Variants in OTUD7A observed in about 807,000 individuals in gnomAD.
OTUD7A encodes the protein OTU deubiquitinase 7A, also known as OTU domain-containing protein 7A.
Under a neutral mutation model 65.7 loss-of-function variants are expected in OTUD7A, and 12 were observed. The observed-to-expected ratio is 0.18, with a 90% CI of 0.12 to 0.30. OTUD7A has a LOEUF of 0.30. Among genes scored for constraint, OTUD7A ranks in the 10% least tolerant of loss-of-function variants. OTUD7A has a pLI of 1.00. For missense variants in OTUD7A, 1,148 were observed against 1,304.8 expected, an observed-to-expected ratio of 0.88 and a Z score of 1.85; for synonymous variants, 641 against 586.3, an observed-to-expected ratio of 1.09 and a Z score of -1.35.
At chr15:31,624,104 A>C (rs1439570940) in intron 3 of OTUD7A, among the ~76,000 whole-genome samples, 1 of 152,254 alleles carries the variant, frequency 6.6e-6, no homozygotes. Flanking sequence ...TACTTGGAAT[A>C]CATTTGATGT....
At chr15:31,686,832 T>C (rs1892848090) in intron 1 of OTUD7A, among the ~76,000 whole-genome samples, 1 of 152,258 alleles carries the variant, frequency 6.6e-6, no homozygotes, top group African/African-American at 2.4e-5. Context: ...CAGAGCGGTC[T>C]TCTCTGTGAG....
rs115207218 is a variant in OTUD7A, at chr15:31,848,282, C to T, written c.-100+22225G>A. Among the ~76,000 whole-genome samples the T allele has an allele frequency of 5.9e-3, 898 of 152,096 alleles. 11 individuals carry two copies. Among genetic ancestry groups the T allele is most frequent in the African/African-American group, 0.021 (862 of 41,462 alleles). ...CTTGAAGAGAAGGCCCTGCTGGGCA[C>T]GCAGGGAGGGGCAATAGCAAAAACA... is the stretch of plus-strand genomic sequence containing the variant. On this transcript the variant is annotated intron_variant, in intron 1 of 12. Coordinates refer to ENST00000307050, the MANE Select transcript of OTUD7A (RefSeq NM_001382637.1).
chr15:31,870,083 C>G (rs1174761652), intron 1 of OTUD7A, among the ~76,000 whole-genome samples: 1 of 150,296 alleles, frequency 6.7e-6, no homozygotes, highest in Admixed American at 6.6e-5. Flanking sequence ...GCCCGGCCGT[C>G]TGCAAGAGCC....
chr15:31,808,136 C>CACAAAAA (rs772574742), intron 1 of OTUD7A, among the ~76,000 whole-genome samples: 8 of 119,514 alleles, frequency 6.7e-5, no homozygotes, highest in African/African-American at 2.2e-4. Context: ...CACACACACA[C>CACAAAAA]AAACAAATCC....
intron 10 of OTUD7A, among the ~76,000 whole-genome samples, chr15:31,488,998 A>G (rs1188519947): frequency 6.6e-6 from 1 of 152,172 alleles, no homozygotes; most frequent in African/African-American, 2.4e-5. Flanking sequence ...TTCTGCCTTG[A>G]CGTGGCCACC....
intron 3 of OTUD7A, among the ~76,000 whole-genome samples, chr15:31,601,097 G>A (rs980949352): frequency 1.4e-4 from 22 of 152,132 alleles, no homozygotes; most frequent in African/African-American, 4.8e-4. Flanking sequence ...ACTCAGCTCC[G>A]GACCAAGCAG....
intron 1 of OTUD7A, among the ~76,000 whole-genome samples, chr15:31,742,510 C>G (rs1346578895): frequency 1.3e-5 from 2 of 151,978 alleles, no homozygotes; most frequent in African/African-American, 4.8e-5. Context: ...TGATATACGG[C>G]TCCTTAGAAA....
intron 1 of OTUD7A, among the ~76,000 whole-genome samples, chr15:31,856,739 C>T (rs867704295): frequency 1.3e-5 from 2 of 152,200 alleles, no homozygotes; most frequent in African/African-American, 2.4e-5. Flanking sequence ...TGACGCACAG[C>T]GGACAAAGGT....
chr15:31,484,244 C>T lies in OTUD7A; in HGVS notation c.1852G>A (p.Ala618Thr), dbSNP rs769179473. ...TTCACATCCGTGCTGTACTTCCAGG[C>T]GTCGCCCCGCGGCCCACCGCCCTTC... is the stretch of plus-strand genomic sequence containing the variant. ...AEKGGGPRGD[A>T]WKYSTDVKLS... Residue 618 changes from alanine (A) to threonine (T), a missense_variant, in exon 13 of 13, where the codon GCC becomes ACC. Ala to Thr is a moderately conservative substitution (Grantham distance 58). Coordinates refer to ENST00000307050, the MANE Select transcript of OTUD7A (RefSeq NM_001382637.1). This position sits in a 1 kb window ranked among gnomAD's most constrained non-coding sequence, Gnocchi z 4.5. The T allele has an allele frequency of 2.5e-6, 4 of 1,598,258 alleles. No homozygotes were observed. The highest frequency in any genetic ancestry group is 3.4e-6 in the Non-Finnish European group (4 of 1,174,758).
intron 3 of OTUD7A, among the ~76,000 whole-genome samples, chr15:31,631,456 C>G (rs1266201810): frequency 6.6e-6 from 1 of 152,200 alleles, no homozygotes; most frequent in African/African-American, 2.4e-5. Flanking sequence ...GCCGTGAGAT[C>G]AGCTGTTAGT....
intron 1 of OTUD7A, among the ~76,000 whole-genome samples, chr15:31,759,836 C>T (rs1429060471): frequency 2.0e-5 from 3 of 152,122 alleles, no homozygotes; most frequent in African/African-American, 7.2e-5. Context: ...CAGAGTCATG[C>T]TTTTACACAT....
At chr15:31,827,185 G>A (rs1896817954) in intron 1 of OTUD7A, among the ~76,000 whole-genome samples, 1 of 152,186 alleles carries the variant, frequency 6.6e-6, no homozygotes, top group Admixed American at 6.5e-5. Flanking sequence ...ACATAACTGA[G>A]ACTGGGCAGT....
chr15:31,550,410 C>A (rs1297707572), intron 5 of OTUD7A, among the ~76,000 whole-genome samples: 1 of 152,202 alleles, frequency 6.6e-6, no homozygotes, highest in Non-Finnish European at 1.5e-5. Flanking sequence ...TTTGTGCAAC[C>A]TGTACACATG....
intron 3 of OTUD7A, among the ~76,000 whole-genome samples, chr15:31,630,667 G>A (rs1375885833): frequency 6.6e-6 from 1 of 152,166 alleles, no homozygotes; most frequent in Non-Finnish European, 1.5e-5. Context: ...TCGTTGATCT[G>A]TCTAACATTG....
chr15:31,610,615 ATATTTTTTTT>A (rs1442491252), intron 3 of OTUD7A, among the ~76,000 whole-genome samples: 12 of 32,848 alleles, frequency 3.7e-4, no homozygotes, highest in African/African-American at 1.6e-3. Context: ...ATATATATAT[ATATTTTTTTT>A]TTTTTTTTTT....
Position 31,559,197 on chromosome 15 carries a change from G to T in OTUD7A, c.332-10C>A. The T allele has an allele frequency of 3.7e-6, 6 of 1,610,762 alleles. No homozygotes were observed. Among genetic ancestry groups the T allele is most frequent in the Non-Finnish European group, 5.1e-6 (6 of 1,177,912 alleles). On this transcript the variant is annotated splice_polypyrimidine_tract_variant and intron_variant, in intron 4 of 12. Coordinates refer to ENST00000307050, the MANE Select transcript of OTUD7A (RefSeq NM_001382637.1). ...CGGGAAAGCCGCTTTTCTGCAGGGG[G>T]AGAAGGAAAGATAGCCCCAAGGGCT...
intron 5 of OTUD7A, chr15:31,558,650 C>T (rs1268290972): frequency 1.8e-5 from 7 of 387,196 alleles, no homozygotes; most frequent in South Asian, 1.4e-4. Flanking sequence ...TCAACACCCA[C>T]GGAGGAGTTG....
intron 5 of OTUD7A, among the ~76,000 whole-genome samples, chr15:31,551,066 G>T (rs1003701549): frequency 6.6e-6 from 1 of 152,118 alleles, no homozygotes; most frequent in Non-Finnish European, 1.5e-5. Context: ...GGAGGGCAAG[G>T]CTTAGTGGTT....
intron 1 of OTUD7A, among the ~76,000 whole-genome samples, chr15:31,669,942 G>A (rs183454883): frequency 5.5e-5 from 8 of 146,276 alleles, no homozygotes; most frequent in Non-Finnish European, 8.9e-5. Flanking sequence ...TGTGTGTTCG[G>A]GAGAGCAGGA....
Sources: allele counts gnomAD v4.1 joint callset (sites outside exome capture counted in the v4.1 genomes callset), GRCh38; gene constraint gnomAD v4.1.1; non-coding constraint Gnocchi (gnomAD v3.1); transcripts MANE v1.5; gene names NCBI Gene and HGNC (gene_info 2026-07-23, HGNC 2026-07-21).